SND1: variants seen among roughly 807,000 people sequenced by gnomAD.
The protein encoded by SND1 is staphylococcal nuclease domain-containing protein 1.
In SND1, 38 loss-of-function variants were observed where a neutral mutation model predicts 121.7. The ratio of observed to expected loss-of-function variants is 0.31; its 90% confidence interval spans 0.24 to 0.41. The LOEUF is 0.41. SND1 is among the 10% of genes least tolerant of loss of function. SND1 has a pLI of 1.00. For synonymous variants in SND1, 401 were observed against 447.4 expected, an observed-to-expected ratio of 0.90 and a Z score of 1.31; for missense variants, 868 against 1,184.6, an observed-to-expected ratio of 0.73 and a Z score of 3.92.
At chr7:127,704,190 G>T (rs1339782178) in intron 7 of SND1, among the ~76,000 whole-genome samples, 1 of 152,110 alleles carries the variant, frequency 6.6e-6, no homozygotes, top group Admixed American at 6.6e-5. Flanking sequence ...AAATTGAATG[G>T]ATTTTCATTA....
At chr7:127,674,529 G>A (rs1795583654) in intron 1 of SND1, among the ~76,000 whole-genome samples, 1 of 152,216 alleles carries the variant, frequency 6.6e-6, no homozygotes, top group Non-Finnish European at 1.5e-5. Context: ...TGACCTGCCA[G>A]CAAATGCTGG....
At chr7:127,788,288 G>A (rs1447434907) in intron 10 of SND1, among the ~76,000 whole-genome samples, 3 of 152,150 alleles carry the variant, frequency 2.0e-5, no homozygotes, top group Non-Finnish European at 4.4e-5. Context: ...AGGTGCTGGA[G>A]GCTACAGAGA....
At chr7:127,916,232 A>T (rs912266915) in intron 14 of SND1, among the ~76,000 whole-genome samples, 3 of 152,276 alleles carry the variant, frequency 2.0e-5, no homozygotes, top group African/African-American at 7.2e-5. Context: ...AGGCGGAAAG[A>T]TAAATGTGAG....
At chr7:128,006,232 G>GTGCA (rs1487784690) in intron 16 of SND1, among the ~76,000 whole-genome samples, 3 of 152,002 alleles carry the variant, frequency 2.0e-5, no homozygotes, top group East Asian at 3.9e-4. Context: ...GGAAGGGTGC[G>GTGCA]TGCGTGCGTG....
chr7:128,031,891 A>ACTG (rs1448381671), intron 16 of SND1: 4 of 150,390 alleles, frequency 2.7e-5, no homozygotes, highest in African/African-American at 9.7e-5. Context: ...CCGCCAGCGG[A>ACTG]CTGCTGCAGC....
intron 3 of SND1, among the ~76,000 whole-genome samples, chr7:127,695,621 C>G (rs1052490396): frequency 6.6e-6 from 1 of 152,114 alleles, no homozygotes; most frequent in African/African-American, 2.4e-5. Context: ...CTCTTAAGCA[C>G]AAGAGTTCGA....
chr7:128,049,755 A>G (rs1793013293), intron 16 of SND1, among the ~76,000 whole-genome samples: 2 of 152,170 alleles, frequency 1.3e-5, no homozygotes, highest in African/African-American at 2.4e-5. Context: ...GGGGATGATA[A>G]TATTATGAAG....
intron 10 of SND1, among the ~76,000 whole-genome samples, chr7:127,763,513 A>AT (rs1797343025): frequency 6.6e-6 from 1 of 151,922 alleles, no homozygotes; most frequent in African/African-American, 2.4e-5. Flanking sequence ...TGCCCAGCTA[A>AT]TTTTTTTATT....
chr7:128,084,554 T>G lies in SND1; in HGVS notation c.2111-170T>G, dbSNP rs546040892. On this transcript the variant is annotated intron_variant, in intron 18 of 23. Transcript: ENST00000354725. ...CTGAAGGCAGATGGCATGAAACCTC[T>G]GGAGTGGAGACCAAGAGGGCTTCCC... Among the ~76,000 whole-genome samples the G allele has an allele frequency of 1.5e-4, 23 of 152,330 alleles. 1 individual carries two copies. In the South Asian group the frequency reaches 4.8e-3, roughly 32 times the overall value.
intron 12 of SND1, among the ~76,000 whole-genome samples, chr7:127,880,394 G>C (rs1458242809): frequency 6.6e-6 from 1 of 152,058 alleles, no homozygotes; most frequent in Non-Finnish European, 1.5e-5. Flanking sequence ...GGGTCTTGGA[G>C]CATATATTTC....
At chr7:127,664,427 G>T (rs1418267952) in intron 1 of SND1, among the ~76,000 whole-genome samples, 7 of 152,170 alleles carry the variant, frequency 4.6e-5, no homozygotes, top group Non-Finnish European at 7.3e-5. Flanking sequence ...CTTAAATGAT[G>T]GGGTTTGGAG....
At chr7:127,653,065 G>C (rs73234876) in intron 1 of SND1, among the ~76,000 whole-genome samples, 15,106 of 152,258 alleles carry the variant, frequency 0.099, 1,054 homozygotes, top group Admixed American at 0.2. Flanking sequence ...AAGATAAGGA[G>C]ATAGGCTTGA....
intron 11 of SND1, among the ~76,000 whole-genome samples, chr7:127,834,348 A>G (rs1177577595): frequency 6.6e-6 from 1 of 152,240 alleles, no homozygotes; most frequent in Non-Finnish European, 1.5e-5. Context: ...GGTTTGATCT[A>G]GAATTATCCT....
At chr7:127,925,839 C>T (rs1442752825) in intron 14 of SND1, among the ~76,000 whole-genome samples, 1 of 151,970 alleles carries the variant, frequency 6.6e-6, no homozygotes, top group Non-Finnish European at 1.5e-5. Flanking sequence ...AGATGATCCT[C>T]CTGCCTCCGC....
chr7:127,871,738 A>G (rs1799591099), intron 12 of SND1, among the ~76,000 whole-genome samples: 1 of 152,194 alleles, frequency 6.6e-6, no homozygotes, highest in African/African-American at 2.4e-5. Flanking sequence ...GTTGGCCTCA[A>G]ACATTATCAT....
intron 3 of SND1, 75 bp downstream of exon 3, chr7:127,695,023 G>A (rs1795983576): frequency 1.3e-6 from 2 of 1,553,578 alleles, no homozygotes; most frequent in Non-Finnish European, 1.7e-6. Flanking sequence ...GTGGTGGAAG[G>A]CCAGTGTGGG....
intron 2 of SND1, among the ~76,000 whole-genome samples, chr7:127,694,238 C>G (rs1795970625): frequency 6.6e-6 from 1 of 152,178 alleles, no homozygotes; most frequent in South Asian, 2.1e-4. Flanking sequence ...CTCACTTGAG[C>G]AGGGGATTCA....
At chr7:128,035,411 A>G (rs960821841) in intron 16 of SND1, among the ~76,000 whole-genome samples, 1 of 152,244 alleles carries the variant, frequency 6.6e-6, no homozygotes, top group African/African-American at 2.4e-5. Context: ...AGCAGAGCAA[A>G]TCGGACTGTG....
chr7:128,068,529 A>G lies in SND1; in HGVS notation c.1780-5973A>G, dbSNP rs182368835. Among the ~76,000 whole-genome samples, 92 of 152,242 alleles carry G rather than the reference A, an allele frequency of 6.0e-4. 1 individual carries two copies. Among genetic ancestry groups the G allele is most frequent in the Admixed American group, 2.0e-3 (31 of 15,290 alleles). On this transcript the variant is annotated intron_variant, in intron 16 of 23. Coordinates refer to ENST00000354725, the MANE Select transcript of SND1 (RefSeq NM_014390.4). ...TTAAGGAGCTGACAGAATCCAGACAATGGGGAGAAGAGGAACAGTTTGGGG... is the reference window on the plus strand; with the variant it reads ...TTAAGGAGCTGACAGAATCCAGACAGTGGGGAGAAGAGGAACAGTTTGGGG...
Sources: gnomAD v4.1 joint callset for allele counts (sites outside exome capture counted in the v4.1 genomes callset) on GRCh38, gnomAD v4.1.1 for gene constraint, MANE v1.5 for transcripts, NCBI Gene and HGNC (gene_info 2026-07-23, HGNC 2026-07-21) for gene names.